Variants in MYO3A observed in about 807,000 individuals in gnomAD.
The protein encoded by MYO3A is myosin IIIA.
MYO3A carries 180 observed loss-of-function variants against 192.7 expected under a neutral mutation model. The ratio of observed to expected loss-of-function variants is 0.93; its 90% confidence interval spans 0.83 to 1.06. The LOEUF (loss-of-function observed/expected upper bound fraction) is 1.06. Ranked by LOEUF, MYO3A falls within the 50% of genes least tolerant of loss-of-function variation. The pLI is 0.00. For missense variants in MYO3A, 1,896 were observed against 1,905.0 expected (o/e 1.00, Z 0.09); for synonymous variants, 628 against 645.3 (o/e 0.97, Z 0.41).
At chr10:26,202,808 T>A (rs1843735954) in intron 33 of MYO3A, 156 bp from the exon 34 acceptor site, 1 of 791,838 alleles carries the variant, frequency 1.3e-6, no homozygotes, top group African/African-American at 1.8e-5. Flanking sequence ...TGGGATACAC[T>A]GTTTTTCCCA....
At chr10:25,990,488 A>G (rs1196705493) in intron 4 of MYO3A, among the ~76,000 whole-genome samples, 1 of 151,598 alleles carries the variant, frequency 6.6e-6, no homozygotes, top group Non-Finnish European at 1.5e-5. Flanking sequence ...TTAAGGTAAA[A>G]GAGTTGTATT....
At chr10:26,094,477 T>A (rs1413578418) in intron 15 of MYO3A, among the ~76,000 whole-genome samples, 1 of 138,890 alleles carries the variant, frequency 7.2e-6, no homozygotes, top group Admixed American at 8.2e-5. Flanking sequence ...CAGGCTGGAG[T>A]GCAGTGGCAC....
At chr10:26,154,119 G>T (rs1364340535) in intron 24 of MYO3A, among the ~76,000 whole-genome samples, 190 bp downstream of exon 24, 3 of 152,096 alleles carry the variant, frequency 2.0e-5, no homozygotes, top group Admixed American at 6.6e-5. Context: ...ATGCATTTCT[G>T]ATATATTAAT....
intron 21 of MYO3A, among the ~76,000 whole-genome samples, chr10:26,143,917 T>G (rs1840310776): frequency 6.6e-6 from 1 of 152,208 alleles, no homozygotes; most frequent in Non-Finnish European, 1.5e-5. Context: ...TGGTGAGCAG[T>G]GCAAAAGGAC....
intron 4 of MYO3A, among the ~76,000 whole-genome samples, chr10:25,959,079 A>T (rs1837746420): frequency 6.6e-6 from 1 of 151,986 alleles, no homozygotes; most frequent in Admixed American, 6.6e-5. Flanking sequence ...AAGACCATGG[A>T]ATTTTCTAGA....
Position 25,990,663 on chromosome 10 carries a change from C to T in MYO3A, c.304-5827C>T, listed in dbSNP as rs984446959. ...TCTCCTAAGGCTACCCCTCCCCCCT[C>T]CCCCCACCCCACAACAGGCCCTGGT... On this transcript the variant is annotated intron_variant, in intron 4 of 34. Transcript: ENST00000642920. Among the ~76,000 whole-genome samples, 2 of 108,032 alleles carry T rather than the reference C, an allele frequency of 1.9e-5. 1 individual carries two copies. Among genetic ancestry groups the T allele is most frequent in the Non-Finnish European group, 3.6e-5 (2 of 56,114 alleles). The allele number at this position is 108,032 out of a possible 152,430, so 70.9% of individuals were successfully genotyped here.
chr10:26,052,278 T>G (rs1844049808), intron 10 of MYO3A, among the ~76,000 whole-genome samples: 1 of 152,218 alleles, frequency 6.6e-6, no homozygotes, highest in Non-Finnish European at 1.5e-5. Context: ...TGAATATATA[T>G]TTATCTGTGC....
Position 26,125,531 on chromosome 10 carries a change from TA to T in MYO3A, c.2041del (p.Thr681LeufsTer10). The T allele has an allele frequency of 6.2e-7, 1 of 1,614,090 alleles. No homozygotes were observed. The highest frequency in any genetic ancestry group is 1.3e-5 in the African/African-American group (1 of 75,048). Reference protein sequence around the residue: ...KATDVRDAMAKTLYGRLFSWI... With the variant: ...KATDVRDAMAXTLYGRLFSWI... ...CTACCGATGTCAGGGATGCCATGGC[TA>T]AAACTTTATATGGACGTCTCTTTAG... On this transcript the variant is annotated frameshift_variant, in exon 19 of 35. Coordinates refer to ENST00000642920, the MANE Select transcript of MYO3A (RefSeq NM_017433.5). LOFTEE classifies it high-confidence loss of function.
At chr10:26,034,569 ATAGGAATCT>A (rs1291506667) in intron 10 of MYO3A, among the ~76,000 whole-genome samples, 1 of 152,228 alleles carries the variant, frequency 6.6e-6, no homozygotes, top group Non-Finnish European at 1.5e-5. Context: ...TTTTATTTAG[ATAGGAATCT>A]ATCATGAATC....
chr10:26,053,686 G>A (rs1200854262), intron 10 of MYO3A, among the ~76,000 whole-genome samples: 1 of 152,088 alleles, frequency 6.6e-6, no homozygotes, highest in African/African-American at 2.4e-5. Context: ...TTAGCCAAGT[G>A]TGGTGGTGTG....
chr10:26,040,184 TA>T (rs1843267268), intron 10 of MYO3A, among the ~76,000 whole-genome samples: 1 of 152,008 alleles, frequency 6.6e-6, no homozygotes, highest in South Asian at 2.1e-4. Context: ...TTTTTTTTTT[TA>T]AGTACAGCTT....
At chr10:26,193,404 A>C in intron 32 of MYO3A, 93 bp downstream of exon 32, 1 of 1,033,912 alleles carries the variant, frequency 9.7e-7, no homozygotes, top group Non-Finnish European at 1.5e-6. Flanking sequence ...GGCACAAAGG[A>C]AGGCCTGGCA....
At chr10:25,955,040 A>C in intron 4 of MYO3A, 32 bp downstream of exon 4, 1 of 1,609,676 alleles carries the variant, frequency 6.2e-7, no homozygotes, top group Non-Finnish European at 8.5e-7. Context: ...GTATGGGTGG[A>C]AACTTAGAGT....
At chr10:25,964,922 T>C (rs1486565107) in intron 4 of MYO3A, among the ~76,000 whole-genome samples, 1 of 152,218 alleles carries the variant, frequency 6.6e-6, no homozygotes, top group Non-Finnish European at 1.5e-5. Flanking sequence ...AAATATGTCA[T>C]GCCACTCTCT....
intron 4 of MYO3A, among the ~76,000 whole-genome samples, chr10:25,994,595 T>A (rs2130885227): frequency 6.6e-6 from 1 of 152,368 alleles, no homozygotes; most frequent in African/African-American, 2.4e-5. Context: ...ATGCAGTTTC[T>A]TCCTAGCATC....
chr10:26,057,082 C>T (rs536616073), intron 10 of MYO3A, among the ~76,000 whole-genome samples: 13 of 152,056 alleles, frequency 8.5e-5, no homozygotes, highest in Non-Finnish European at 1.6e-4. Flanking sequence ...TTGAATAGGA[C>T]GATAAGAAGG....
chr10:26,009,581 G>A (rs1361808233), intron 6 of MYO3A, among the ~76,000 whole-genome samples: 2 of 152,022 alleles, frequency 1.3e-5, no homozygotes, highest in Non-Finnish European at 2.9e-5. Context: ...AGCAACCTCT[G>A]GAGTTTTTAT....
At chr10:25,983,508 CG>C (rs1355281404) in intron 4 of MYO3A, among the ~76,000 whole-genome samples, 1 of 152,066 alleles carries the variant, frequency 6.6e-6, no homozygotes, top group Non-Finnish European at 1.5e-5. Flanking sequence ...CCACCCGCCT[CG>C]GCCTCCCAAA....
chr10:26,016,946 C>T lies in MYO3A; in HGVS notation c.585+50C>T, dbSNP rs1185131049. ...AAACGTAATAGCTGATCCTGTTTGA[C>T]TTTCCTTTTTATGTGTACTCTATCT... On this transcript the variant is annotated intron_variant, in intron 7 of 34. Transcript: ENST00000642920. The T allele has an allele frequency of 5.8e-6, 9 of 1,544,878 alleles. No homozygotes were observed. In the African/African-American group the frequency reaches 1.2e-4, roughly 21 times the overall value.
Sources: allele counts gnomAD v4.1 joint callset (sites outside exome capture counted in the v4.1 genomes callset), GRCh38; gene constraint gnomAD v4.1.1; transcripts MANE v1.5; gene names NCBI Gene and HGNC (gene_info 2026-07-23, HGNC 2026-07-21).